The following ZBTB20 variants were observed in gnomAD, a reference collection of about 807,000 sequenced individuals.
ZBTB20 encodes the protein zinc finger and BTB domain containing 20, also known as zinc finger and BTB domain-containing protein 20.
In ZBTB20, 9 loss-of-function variants were observed where a neutral mutation model predicts 56.9. That is an observed-to-expected ratio of 0.16 (90% CI 0.10 to 0.28). The LOEUF (loss-of-function observed/expected upper bound fraction) is 0.28. ZBTB20 is among the 10% of genes least tolerant of loss of function. The probability of loss-of-function intolerance (pLI) is 1.00; values close to 1 mark genes in which losing one functional copy is unlikely to be tolerated. For missense variants in ZBTB20, 655 were observed against 1,003.0 expected (o/e 0.65, Z 4.69); for synonymous variants, 417 against 420.7 (o/e 0.99, Z 0.11).
rs1045940738 is a variant in ZBTB20 at position 114,337,297 on chromosome 3, T to C, written c.*1708A>G. 6.6e-6 allele frequency: 1 copy of C among 152,202 alleles called. No homozygotes were observed. The highest frequency in any genetic ancestry group is 1.9e-4 in the East Asian group (1 of 5,202). 9.4% of individuals were successfully genotyped at this position (152,202 alleles called of 1,614,324 possible). A position where few individuals can be genotyped will look rare whatever the true frequency, so the allele number is the denominator to read the frequency against. ...AGGCTTCTCATAATGATGCTCTTTGTAGTTGGGAAGGGTGAGGAGCTATGG... is the reference window on the plus strand; with the variant it reads ...AGGCTTCTCATAATGATGCTCTTTGCAGTTGGGAAGGGTGAGGAGCTATGG... On this transcript the variant is annotated 3_prime_UTR_variant, in exon 12 of 12. Coordinates refer to ENST00000675478, the MANE Select transcript of ZBTB20 (RefSeq NM_001348800.3).
At chr3:114,621,464 CAT>C (rs1199341058) in intron 6 of ZBTB20, among the ~76,000 whole-genome samples, 2 of 152,152 alleles carry the variant, frequency 1.3e-5, no homozygotes, top group African/African-American at 4.8e-5. Flanking sequence ...CATATACAAT[CAT>C]ATGATACAAG....
chr3:114,779,624 T>G (rs1268598878), intron 5 of ZBTB20, among the ~76,000 whole-genome samples: 2 of 152,194 alleles, frequency 1.3e-5, no homozygotes, highest in Non-Finnish European at 2.9e-5. Context: ...GCACAGATTA[T>G]GATCCTGAAA....
chr3:114,902,985 C>T (rs1378132803), intron 3 of ZBTB20, among the ~76,000 whole-genome samples: 1 of 152,082 alleles, frequency 6.6e-6, no homozygotes, highest in African/African-American at 2.4e-5. Flanking sequence ...CCTTCTGAGG[C>T]CAGTGCTGCA....
intron 5 of ZBTB20, among the ~76,000 whole-genome samples, chr3:114,727,574 G>A (rs1263130657): frequency 1.3e-5 from 2 of 152,136 alleles, no homozygotes; most frequent in African/African-American, 2.4e-5. Context: ...CATTTAAAAG[G>A]CAGAAAGAGG....
At chr3:114,766,651 T>C (rs918424591) in intron 5 of ZBTB20, among the ~76,000 whole-genome samples, 1 of 152,044 alleles carries the variant, frequency 6.6e-6, no homozygotes. Context: ...AATAGCCCTA[T>C]GAAGTTTGTT....
intron 5 of ZBTB20, among the ~76,000 whole-genome samples, chr3:114,791,146 C>T (rs1413652384): frequency 1.3e-5 from 2 of 152,068 alleles, no homozygotes; most frequent in Admixed American, 6.6e-5. Flanking sequence ...GAGAAAGTGT[C>T]CCCTACAGAT....
At chr3:115,121,761 C>T (rs1682597961) in intron 1 of ZBTB20, among the ~76,000 whole-genome samples, 1 of 151,930 alleles carries the variant, frequency 6.6e-6, no homozygotes, top group Non-Finnish European at 1.5e-5. Flanking sequence ...CATATAATCG[C>T]TAACTTACCA....
chr3:115,144,163 A>C (rs1361906974), intron 1 of ZBTB20, among the ~76,000 whole-genome samples: 4 of 152,176 alleles, frequency 2.6e-5, no homozygotes, highest in African/African-American at 7.2e-5. Flanking sequence ...ATGTTTTTGA[A>C]GAAGTCTCTG....
At chr3:114,986,063 G>T (rs2078526245) in intron 2 of ZBTB20, among the ~76,000 whole-genome samples, 1 of 152,068 alleles carries the variant, frequency 6.6e-6, no homozygotes, top group African/African-American at 2.4e-5. Flanking sequence ...TATATGGGGA[G>T]ATTTAGAAAG....
At chr3:114,674,846 A>G (rs941241743) in intron 6 of ZBTB20, among the ~76,000 whole-genome samples, 1 of 151,892 alleles carries the variant, frequency 6.6e-6, no homozygotes, top group Non-Finnish European at 1.5e-5. Context: ...GTTTAAATAT[A>G]TACATACATA....
chr3:115,016,388 C>T (rs565366401), intron 2 of ZBTB20, among the ~76,000 whole-genome samples: 5 of 152,076 alleles, frequency 3.3e-5, no homozygotes, highest in African/African-American at 1.2e-4. Flanking sequence ...AATCCTTCCC[C>T]ATGGCTACAT....
At chr3:114,460,773 T>A (rs912896530) in intron 7 of ZBTB20, among the ~76,000 whole-genome samples, 1 of 152,232 alleles carries the variant, frequency 6.6e-6, no homozygotes, top group Non-Finnish European at 1.5e-5. Flanking sequence ...GCTACCTTGA[T>A]CTGGACATAA....
At position 115,049,420 on chromosome 3, in the gene ZBTB20, G is replaced by T. The variant is rs138180205; in HGVS notation, c.-507+21799C>A. On this transcript the variant is annotated intron_variant, in intron 2 of 11. Transcript: ENST00000675478. ...CTTGTCCAAAGTGTTTCGTATTTCA[G>T]ATTTTTTCAGATTTTAGAATATTTG... is the stretch of plus-strand genomic sequence containing the variant. Among the ~76,000 whole-genome samples the T allele has an allele frequency of 2.7e-3, 414 of 152,138 alleles. 1 individual carries two copies. Among genetic ancestry groups the T allele is most frequent in the African/African-American group, 9.7e-3 (402 of 41,534 alleles).
chr3:114,724,034 A>T (rs2065098547), intron 5 of ZBTB20, among the ~76,000 whole-genome samples: 1 of 149,806 alleles, frequency 6.7e-6, no homozygotes, highest in Admixed American at 6.6e-5. Context: ...GAGCCCGGCT[A>T]ATTTTTTTTT....
rs550183452 is a variant in ZBTB20, at chr3:114,672,371, A to C, written c.-295+21157T>G. The stretch of plus-strand genomic sequence containing the variant: ...TTGGTGGCAGCATCTATTAAGGAGG[A>C]GACTCATTTTGTGGGCAGGATGAAA... On this transcript the variant is annotated intron_variant, in intron 6 of 11. Transcript: ENST00000675478. 1.3e-4 allele frequency among the ~76,000 whole-genome samples: 20 copies of C among 152,256 alleles called. No individual in the cohort carries two copies. In the East Asian group the frequency reaches 3.9e-3, roughly 29 times the overall value.
chr3:114,589,854 T>G (rs554928666), intron 6 of ZBTB20, among the ~76,000 whole-genome samples: 1 of 152,336 alleles, frequency 6.6e-6, no homozygotes, highest in South Asian at 2.1e-4. Flanking sequence ...TATGCCTATA[T>G]GCATGTGTAT....
chr3:114,577,493 AAC>A (rs2054207192), intron 6 of ZBTB20, among the ~76,000 whole-genome samples: 2 of 152,244 alleles, frequency 1.3e-5, no homozygotes, highest in Non-Finnish European at 2.9e-5. Flanking sequence ...AAATCACAGA[AAC>A]ACAGTCAGAC....
intron 3 of ZBTB20, among the ~76,000 whole-genome samples, chr3:114,919,460 C>A (rs1176959430): frequency 1.3e-5 from 2 of 152,120 alleles, no homozygotes; most frequent in Non-Finnish European, 2.9e-5. Flanking sequence ...GTAATCCCAG[C>A]ACTTTGGGAG....
chr3:114,771,028 T>C (rs529064279), intron 5 of ZBTB20, among the ~76,000 whole-genome samples: 47 of 152,346 alleles, frequency 3.1e-4, no homozygotes, highest in African/African-American at 1.1e-3. Flanking sequence ...TTAAGGACTT[T>C]TGCAGAGATT....
Sources: gnomAD v4.1 joint callset for allele counts (sites outside exome capture counted in the v4.1 genomes callset) on GRCh38, gnomAD v4.1.1 for gene constraint, MANE v1.5 for transcripts, NCBI Gene and HGNC (gene_info 2026-07-23, HGNC 2026-07-21) for gene names.